Variants in STARD9 observed in about 807,000 individuals in gnomAD.
STARD9 encodes stAR-related lipid transfer protein 9.
STARD9 carries 346 observed loss-of-function variants against 399.8 expected under a neutral mutation model. The ratio of observed to expected loss-of-function variants is 0.87; its 90% CI spans 0.79 to 0.95. STARD9 has a LOEUF of 0.95. STARD9 is among the 40% of genes least tolerant of loss of function. STARD9 has a pLI of 0.00. For missense variants in STARD9, 5,832 were observed against 5,667.5 expected, an observed-to-expected ratio of 1.03 and a Z score of -0.93; for synonymous variants, 2,203 against 2,143.5, an observed-to-expected ratio of 1.03 and a Z score of -0.77.
intron 8 of STARD9, 69 bp from the exon 9 acceptor site, chr15:42,652,451 G>A (rs2059781401): frequency 7.8e-7 from 1 of 1,279,944 alleles, no homozygotes; most frequent in Admixed American, 2.0e-5. Context: ...CTTGTATTCT[G>A]TATGGATCCT....
At chr15:42,589,836 A>G (rs1301072492) in intron 3 of STARD9, among the ~76,000 whole-genome samples, 2 of 149,764 alleles carry the variant, frequency 1.3e-5, no homozygotes, top group Non-Finnish European at 3.0e-5. Flanking sequence ...CAAACTCCTG[A>G]CCTTGTGATC....
chr15:42,589,229 T>C (rs2058346491), intron 3 of STARD9, among the ~76,000 whole-genome samples: 1 of 152,188 alleles, frequency 6.6e-6, no homozygotes, highest in Non-Finnish European at 1.5e-5. Context: ...TATTATTATT[T>C]TTAATAGAGA....
rs74890375 is a variant in STARD9, at chr15:42,666,474, A to G, written c.1317+626A>G. Among the ~76,000 whole-genome samples, 586 of 152,248 alleles carry G rather than the reference A, an allele frequency of 3.8e-3. 2 individuals carry two copies. The highest frequency in any genetic ancestry group is 0.014 in the African/African-American group (562 of 41,544). On this transcript the variant is annotated intron_variant, in intron 15 of 32. Transcript: ENST00000290607. The stretch of plus-strand genomic sequence containing the variant: ...CAAAGCCTTGAAACTGGGAGAAGGA[A>G]GGGGTGTGAGAGGCCATGTGGAAGC...
At chr15:42,682,012 A>G (rs2060440917) in intron 21 of STARD9, 92 bp from the exon 22 acceptor site, 2 of 847,452 alleles carry the variant, frequency 2.4e-6, no homozygotes, top group South Asian at 1.7e-5. Flanking sequence ...CACTCCACAC[A>G]GGTCCAGCCA....
intron 26 of STARD9, among the ~76,000 whole-genome samples, chr15:42,697,499 G>A (rs182392365): frequency 6.6e-6 from 1 of 152,016 alleles, no homozygotes; most frequent in Non-Finnish European, 1.5e-5. Flanking sequence ...TAGTAGAAAG[G>A]GCACAAATAT....
intron 3 of STARD9, among the ~76,000 whole-genome samples, chr15:42,588,600 A>G (rs567868344): frequency 6.6e-6 from 1 of 152,166 alleles, no homozygotes; most frequent in Admixed American, 6.5e-5. Context: ...ACTCATATCT[A>G]CATGATACAA....
rs2060624084 is a variant in STARD9, at chr15:42,688,895, C to T, written c.7317C>T (p.Ser2439=). 1.3e-6 allele frequency: 2 copies of T among 1,537,218 alleles called. No homozygotes were observed. The highest frequency in any genetic ancestry group is 1.7e-6 in the Non-Finnish European group (2 of 1,146,924). ...GGACAGAGGACAGGATCTCAGCAAGCACCAGCCCCCAAGACCATGGAAAGG... is the reference window on the plus strand; with the variant it reads ...GGACAGAGGACAGGATCTCAGCAAGTACCAGCCCCCAAGACCATGGAAAGG... The part of the protein sequence containing the change: ...PLGTEDRISA[S]TSPQDHGKDL... Residue 2439 remains serine (S), a synonymous_variant, in exon 23 of 33, where the codon AGC becomes AGT. Coordinates refer to ENST00000290607, the MANE Select transcript of STARD9 (RefSeq NM_020759.3).
chr15:42,657,580 A>C (rs2059902125), intron 9 of STARD9, among the ~76,000 whole-genome samples: 1 of 152,246 alleles, frequency 6.6e-6, no homozygotes, highest in Non-Finnish European at 1.5e-5. Flanking sequence ...AGTAGTAGGT[A>C]GATAACCAAA....
chr15:42,659,471 A>C (rs1424700616), intron 9 of STARD9, among the ~76,000 whole-genome samples: 1 of 152,060 alleles, frequency 6.6e-6, no homozygotes, highest in African/African-American at 2.4e-5. Context: ...TGCTGGTGGG[A>C]ATGTAAATGG....
intron 20 of STARD9, among the ~76,000 whole-genome samples, chr15:42,679,210 C>G (rs1427175719): frequency 6.6e-6 from 1 of 152,182 alleles, no homozygotes; most frequent in Middle Eastern, 3.2e-3. Flanking sequence ...TCAGCCATTT[C>G]TATAGTCAGA....
chr15:42,662,985 T>C (rs2060019749), intron 11 of STARD9, 94 bp downstream of exon 11: 11 of 978,110 alleles, frequency 1.1e-5, no homozygotes, highest in Non-Finnish European at 1.7e-5. Context: ...AGGGTTCCTT[T>C]TGATAAGGTT....
chr15:42,718,270 C>A, intron 30 of STARD9, 91 bp downstream of exon 30: 1 of 1,355,494 alleles, frequency 7.4e-7, no homozygotes, highest in Non-Finnish European at 1.0e-6. Context: ...GGGTTGGAGG[C>A]AGCCCTCTTT....
intron 3 of STARD9, among the ~76,000 whole-genome samples, chr15:42,609,392 T>C (rs1330029447): frequency 3.3e-5 from 5 of 152,146 alleles, no homozygotes; most frequent in African/African-American, 1.2e-4. Flanking sequence ...AAAGATTCTT[T>C]AGTAGATCTG....
chr15:42,718,450 A>G lies in STARD9; in HGVS notation c.13778A>G (p.Asn4593Ser). Residue 4593 changes from asparagine to serine, a missense_variant, in exon 31 of 33, where the codon AAC (asparagine) becomes AGC (serine). Coordinates refer to ENST00000290607, the MANE Select transcript of STARD9 (RefSeq NM_020759.3). ...GTCCCTCCAGTGTACTTGGTGTGCA[A>G]CACCACCCTGTGCGCACTGAAGCAG... is the stretch of plus-strand genomic sequence containing the variant. ...NSISLVYLVC[N>S]TTLCALKQPR... 6.5e-7 allele frequency: 1 copy of G among 1,537,076 alleles called. No individual in the cohort carries two copies. The highest frequency in any genetic ancestry group is 8.7e-7 in the Non-Finnish European group (1 of 1,146,832).
rs750466722 is a variant in STARD9, at chr15:42,695,126, G to A, written c.12963-14G>A. On this transcript the variant is annotated splice_polypyrimidine_tract_variant and intron_variant, in intron 24 of 32. Transcript: ENST00000290607. ...CCACCCACCATGTTCTTTCCACCCC[G>A]TGATCTTCCTCAGGAGCCCAGAGTC... The A allele has an allele frequency of 1.4e-5, 21 of 1,516,314 alleles. 1 individual carries two copies. The South Asian group carries it at 1.8e-4, about 13-fold the overall frequency. 93.9% of individuals were successfully genotyped at this position (1,516,314 alleles called of 1,614,324 possible). A position where few individuals can be genotyped will look rare whatever the true frequency, so the allele number is the denominator to read the frequency against.
At chr15:42,609,036 G>A (rs1052088306) in intron 3 of STARD9, among the ~76,000 whole-genome samples, 1 of 152,100 alleles carries the variant, frequency 6.6e-6, no homozygotes, top group African/African-American at 2.4e-5. Context: ...TCAGGGGCTT[G>A]CTAGGGTTTT....
At chr15:42,637,842 G>A (rs746512994) in intron 4 of STARD9, 65 bp from the exon 5 acceptor site, 129 of 1,497,650 alleles carry the variant, frequency 8.6e-5, no homozygotes, top group Non-Finnish European at 1.1e-4. Context: ...TGGTTCCTGG[G>A]TATTCTGTGG....
At chr15:42,597,970 C>CTGTG (rs149916930) in intron 3 of STARD9, among the ~76,000 whole-genome samples, 1 of 139,070 alleles carries the variant, frequency 7.2e-6, no homozygotes, top group Non-Finnish European at 1.6e-5. Context: ...TGCTCCCAGC[C>CTGTG]TGTGTGTGTG....
intron 3 of STARD9, among the ~76,000 whole-genome samples, chr15:42,631,440 C>T (rs1264373669): frequency 1.3e-5 from 2 of 151,962 alleles, no homozygotes; most frequent in Middle Eastern, 3.4e-3. Flanking sequence ...AAAAACCAGG[C>T]GTGGTGGTGT....
Sources: allele counts gnomAD v4.1 joint callset (sites outside exome capture counted in the v4.1 genomes callset), GRCh38; gene constraint gnomAD v4.1.1; transcripts MANE v1.5; gene names NCBI Gene and HGNC (gene_info 2026-07-23, HGNC 2026-07-21).